The following PLEKHG1 variants were observed in gnomAD, a reference collection of about 807,000 sequenced individuals.
PLEKHG1 encodes the protein pleckstrin homology and RhoGEF domain containing G1, also known as pleckstrin homology domain-containing family G member 1.
Under a neutral mutation model 100.8 loss-of-function variants are expected in PLEKHG1, and 44 were observed. The ratio of observed to expected loss-of-function variants is 0.44; its 90% CI spans 0.34 to 0.56. The LOEUF (loss-of-function observed/expected upper bound fraction) is 0.56, where lower values mean the gene tolerates loss of function less well. Ranked by LOEUF, PLEKHG1 falls within the 20% of genes least tolerant of loss-of-function variation. The pLI, the probability that PLEKHG1 is intolerant of heterozygous loss-of-function variation, is 0.01. For missense variants in PLEKHG1, 1,545 were observed against 1,720.9 expected (o/e 0.90, Z 1.81); for synonymous variants, 640 against 662.5 (o/e 0.97, Z 0.52).
intron 3 of PLEKHG1, among the ~76,000 whole-genome samples, chr6:150,658,924 C>T (rs563850056): frequency 6.6e-6 from 1 of 152,316 alleles, no homozygotes; most frequent in South Asian, 2.1e-4. Flanking sequence ...TTCTTTTAGC[C>T]TTGTGCAGTT....
intron 4 of PLEKHG1, among the ~76,000 whole-genome samples, chr6:150,793,179 G>A (rs1751594317): frequency 6.6e-6 from 1 of 152,162 alleles, no homozygotes; most frequent in African/African-American, 2.4e-5. Flanking sequence ...TGAGGCAGGG[G>A]GATCACTTGA....
intron 3 of PLEKHG1, among the ~76,000 whole-genome samples, chr6:150,716,063 G>A (rs1197274677): frequency 6.8e-6 from 1 of 147,522 alleles, no homozygotes; most frequent in Non-Finnish European, 1.5e-5. Context: ...AGCCGAGATC[G>A]CGCCACTGCA....
intron 3 of PLEKHG1, among the ~76,000 whole-genome samples, chr6:150,778,334 G>A (rs2128646024): frequency 6.6e-6 from 1 of 152,224 alleles, no homozygotes; most frequent in Middle Eastern, 3.4e-3. Context: ...CACCATGTTG[G>A]CCAGGTTGGT....
intron 2 of PLEKHG1, among the ~76,000 whole-genome samples, chr6:150,756,846 C>G (rs1446621924): frequency 6.6e-6 from 1 of 152,116 alleles, no homozygotes; most frequent in Non-Finnish European, 1.5e-5. Flanking sequence ...TGTATGCAGA[C>G]CAGTTGCTGT....
chr6:150,824,180 A>G (rs1379583713), intron 14 of PLEKHG1, among the ~76,000 whole-genome samples: 1 of 152,170 alleles, frequency 6.6e-6, no homozygotes, highest in African/African-American at 2.4e-5. Flanking sequence ...TCAAGTTTTG[A>G]TTTTTCTTCC....
intron 2 of PLEKHG1, among the ~76,000 whole-genome samples, chr6:150,642,633 G>T (rs890156732): frequency 5.3e-5 from 8 of 152,212 alleles, no homozygotes; most frequent in African/African-American, 1.9e-4. Context: ...CTGGCTAAAG[G>T]TCCTGTGATG....
At chr6:150,800,803 G>T in exon 6 of PLEKHG1, 3 of 1,613,694 alleles carry the variant, frequency 1.9e-6, no homozygotes, top group Non-Finnish European at 2.5e-6. Flanking sequence ...TGAAACACTC[G>T]CTGCCTCTGG....
At chr6:150,612,045 T>TCC (rs34843386) in intron 1 of PLEKHG1, among the ~76,000 whole-genome samples, 12 of 77,274 alleles carry the variant, frequency 1.6e-4, no homozygotes, top group South Asian at 5.9e-4. Context: ...CTGGTGTTGT[T>TCC]CCCCCCCCCC....
chr6:150,605,071 T>C (rs1238124904), intron 1 of PLEKHG1, among the ~76,000 whole-genome samples: 2 of 152,196 alleles, frequency 1.3e-5, no homozygotes, highest in South Asian at 2.1e-4. Context: ...TCCTCATTTA[T>C]TGGACAGAGA....
At chr6:150,790,226 C>T (rs895642160) in intron 4 of PLEKHG1, among the ~76,000 whole-genome samples, 1 of 152,062 alleles carries the variant, frequency 6.6e-6, no homozygotes, top group Non-Finnish European at 1.5e-5. Context: ...GGGGTTTCTC[C>T]ATGTTGGTCA....
intron 4 of PLEKHG1, among the ~76,000 whole-genome samples, chr6:150,787,907 G>T (rs1785724169): frequency 6.6e-6 from 1 of 152,072 alleles, no homozygotes. Flanking sequence ...TGTCAAAATT[G>T]AGCAGGGATT....
intron 1 of PLEKHG1, among the ~76,000 whole-genome samples, chr6:150,614,996 A>T (rs1366408989): frequency 6.6e-6 from 1 of 152,232 alleles, no homozygotes. Flanking sequence ...AAAACCTCCG[A>T]ATGAATGACC....
intron 13 of PLEKHG1, among the ~76,000 whole-genome samples, chr6:150,823,337 C>T (rs932283580): frequency 7.2e-5 from 11 of 152,154 alleles, no homozygotes; most frequent in Non-Finnish European, 1.2e-4. Flanking sequence ...GGGGCATGTG[C>T]AATTTCTTTT....
chr6:150,757,892 C>A (rs1361930994), intron 2 of PLEKHG1, among the ~76,000 whole-genome samples: 5 of 152,112 alleles, frequency 3.3e-5, no homozygotes, highest in Non-Finnish European at 5.9e-5. Context: ...TGTGTTGTTC[C>A]CCTCCCTGTG....
At chr6:150,717,085 G>T (rs942778035), upstream of PLEKHG1, among the ~76,000 whole-genome samples, 4 of 152,230 alleles carry the variant, frequency 2.6e-5, no homozygotes, top group African/African-American at 9.6e-5. Flanking sequence ...AGGCTGGAGT[G>T]CAGTGGTGCA....
At chr6:150,800,960 G>T in intron 6 of PLEKHG1, 91 bp downstream of exon 7, 1 of 1,002,166 alleles carries the variant, frequency 1.0e-6, no homozygotes, top group Non-Finnish European at 1.5e-6. Flanking sequence ...AAAATGCTAT[G>T]GACATATGGA....
chr6:150,700,940 G>A (rs1780749077), intron 3 of PLEKHG1, among the ~76,000 whole-genome samples: 1 of 142,606 alleles, frequency 7.0e-6, no homozygotes, highest in Non-Finnish European at 1.5e-5. Flanking sequence ...GTTATAGCTT[G>A]TATAGCTTTA....
intron 3 of PLEKHG1, among the ~76,000 whole-genome samples, chr6:150,701,434 TA>T (rs1562446462): frequency 4.6e-5 from 3 of 65,270 alleles, no homozygotes; most frequent in African/African-American, 1.9e-4. Flanking sequence ...TATATATATA[TA>T]TATATATATA....
chr6:150,615,244 A>C (rs1214687595), intron 1 of PLEKHG1, among the ~76,000 whole-genome samples: 1 of 152,198 alleles, frequency 6.6e-6, no homozygotes, highest in African/African-American at 2.4e-5. Flanking sequence ...CCTTGGTCTG[A>C]GGCAGATTAT....
Sources: allele counts gnomAD v4.1 joint callset (sites outside exome capture counted in the v4.1 genomes callset), GRCh38; gene constraint gnomAD v4.1.1; transcripts MANE v1.5; gene names NCBI Gene and HGNC (gene_info 2026-07-23, HGNC 2026-07-21).